C21orf91: variants seen among roughly 807,000 people sequenced by gnomAD.
C21orf91 encodes the protein protein EURL homolog.
A neutral mutation model predicts 32.9 loss-of-function variants in C21orf91; 26 were observed. That is an observed-to-expected ratio of 0.79 (90% CI 0.58 to 1.10). C21orf91 has a LOEUF of 1.10. Among genes scored for constraint, C21orf91 ranks in the 50% least tolerant of loss-of-function variants. The probability of loss-of-function intolerance (pLI) is 0.00; values close to 1 mark genes in which losing one functional copy is unlikely to be tolerated. For missense variants in C21orf91, 310 were observed against 341.3 expected, an observed-to-expected ratio of 0.91 and a Z score of 0.72; for synonymous variants, 126 against 120.4, an observed-to-expected ratio of 1.05 and a Z score of -0.31.
intron 1 of C21orf91, among the ~76,000 whole-genome samples, chr21:17,818,542 A>C (rs1375509848): frequency 6.6e-6 from 1 of 152,218 alleles, no homozygotes; most frequent in Non-Finnish European, 1.5e-5. Context: ...CATAGGTGAC[A>C]CTATGTCCGT....
chr21:17,817,339 G>C (rs1392051470), intron 2 of C21orf91, among the ~76,000 whole-genome samples: 2 of 151,600 alleles, frequency 1.3e-5, no homozygotes, highest in African/African-American at 2.4e-5. Context: ...TTAGTAAACA[G>C]AAAATAAAGA....
intron 3 of C21orf91, among the ~76,000 whole-genome samples, chr21:17,795,993 TTAAA>T (rs772049844): frequency 5.3e-5 from 8 of 152,236 alleles, no homozygotes; most frequent in Non-Finnish European, 1.0e-4. Flanking sequence ...ATGTAGAATC[TTAAA>T]TAATTCACAT....
At position 17,789,249 on chromosome 21, in the gene C21orf91, AGGTT is replaced by A. The variant is rs1254680485; in HGVS notation, c.*4162_*4165del. ...TAGTATACGCTACTGTTTTAAAGCA[AGGTT>A]CACACACACACACACACACACACAC... On this transcript the variant is annotated 3_prime_UTR_variant, in exon 5 of 5. Coordinates refer to ENST00000284881, the MANE Select transcript of C21orf91 (RefSeq NM_001100420.2). 1.0e-5 allele frequency: 1 copy of A among 97,852 alleles called. No individual in the cohort carries two copies. The highest frequency in any genetic ancestry group is 2.0e-5 in the Non-Finnish European group (1 of 49,556). 6.1% of individuals were successfully genotyped at this position (97,852 alleles called of 1,614,324 possible).
intron 2 of C21orf91, among the ~76,000 whole-genome samples, chr21:17,812,816 A>G (rs1176114195): frequency 1.5e-5 from 2 of 136,648 alleles, no homozygotes; most frequent in African/African-American, 4.9e-5. Flanking sequence ...CTTGGAAAAA[A>G]ACAAAAAAAA....
rs2070831592 is a variant in C21orf91, at chr21:17,797,064, C to G, written c.182G>C (p.Cys61Ser). ...HTKSLRGHKD[C>S]FEKYHLIANQ... ...TGCAATTAAATGGTATTTTTCAAAG[C>G]AGTCTTTATGGCCCCTTAATGATTT... Residue 61 changes from cysteine to serine, a missense_variant, in exon 3 of 5, where the codon TGC becomes TCC. Physicochemically the swap from Cys to Ser is moderately radical, Grantham distance 112. Transcript: ENST00000284881. 2 of 1,610,814 alleles carry G rather than the reference C, an allele frequency of 1.2e-6. No individual in the cohort carries two copies. Among genetic ancestry groups the G allele is most frequent in the African/African-American group, 1.3e-5 (1 of 74,812 alleles).
chr21:17,801,740 T>C (rs1053900643), intron 2 of C21orf91, among the ~76,000 whole-genome samples: 5 of 151,836 alleles, frequency 3.3e-5, no homozygotes, highest in Admixed American at 6.6e-5. Context: ...AAATACCTAA[T>C]GTAGGTGACG....
intron 2 of C21orf91, among the ~76,000 whole-genome samples, chr21:17,802,876 T>C (rs1302378173): frequency 6.6e-6 from 1 of 152,240 alleles, no homozygotes; most frequent in South Asian, 2.1e-4. Context: ...GGATTACATA[T>C]TCCATTTCCC....
rs1421638986 is a variant in C21orf91 at position 17,791,523 on chromosome 21, A to C, written c.*1892T>G. On this transcript the variant is annotated 3_prime_UTR_variant, in exon 5 of 5. Transcript: ENST00000284881. ...ATGCAACATATCCCCAACTTTTATGACTGTCCCTAACTCATCTAAACACAA... is the reference window on the plus strand; with the variant it reads ...ATGCAACATATCCCCAACTTTTATGCCTGTCCCTAACTCATCTAAACACAA... 2 of 151,908 alleles carry C rather than the reference A, an allele frequency of 1.3e-5. No homozygotes were observed. The highest frequency in any genetic ancestry group is 2.9e-5 in the Non-Finnish European group (2 of 67,994). 9.4% of individuals were successfully genotyped at this position (151,908 alleles called of 1,614,324 possible).
At chr21:17,810,125 A>G (rs1013954839) in intron 2 of C21orf91, among the ~76,000 whole-genome samples, 1 of 152,178 alleles carries the variant, frequency 6.6e-6, no homozygotes, top group South Asian at 2.1e-4. Context: ...TAACATTTTG[A>G]TAACTCTGCA....
intron 1 of C21orf91, chr21:17,818,761 T>C (rs1195321641): frequency 6.5e-6 from 1 of 153,620 alleles, no homozygotes; most frequent in Admixed American, 6.5e-5. Context: ...GCTAACTTCA[T>C]TGGGGGAACC....
chr21:17,796,167 A>C (rs1028202809), intron 3 of C21orf91, among the ~76,000 whole-genome samples: 2 of 152,196 alleles, frequency 1.3e-5, no homozygotes, highest in African/African-American at 4.8e-5. Context: ...AAGTGCACAC[A>C]TTACCTTTGG....
intron 2 of C21orf91, among the ~76,000 whole-genome samples, chr21:17,802,750 C>G (rs2062570514): frequency 6.6e-6 from 1 of 152,240 alleles, no homozygotes; most frequent in South Asian, 2.1e-4. Context: ...TGTCAAATAG[C>G]ACTGTCTCTC....
intron 2 of C21orf91, among the ~76,000 whole-genome samples, chr21:17,813,208 T>C (rs1409592353): frequency 1.3e-5 from 2 of 152,212 alleles, no homozygotes; most frequent in Non-Finnish European, 2.9e-5. Flanking sequence ...TGGGGCCCCT[T>C]ACTTAAGTGG....
intron 2 of C21orf91, among the ~76,000 whole-genome samples, chr21:17,804,053 G>A (rs997659666): frequency 2.0e-5 from 3 of 152,116 alleles, no homozygotes; most frequent in Non-Finnish European, 2.9e-5. Flanking sequence ...ATCCATGTCC[G>A]GTCACCTGTA....
At chr21:17,794,137 TCTA>T (rs1478304960) in intron 4 of C21orf91, among the ~76,000 whole-genome samples, 1 of 152,230 alleles carries the variant, frequency 6.6e-6, no homozygotes, top group Non-Finnish European at 1.5e-5. Flanking sequence ...CTCATAAATT[TCTA>T]CTACAACTAT....
chr21:17,814,981 A>C (rs918374938), intron 2 of C21orf91, among the ~76,000 whole-genome samples: 1 of 152,228 alleles, frequency 6.6e-6, no homozygotes, highest in Non-Finnish European at 1.5e-5. Flanking sequence ...AAGTACATAA[A>C]ATGTAGGCTC....
At chr21:17,799,485 C>T (rs565990108) in intron 2 of C21orf91, among the ~76,000 whole-genome samples, 2 of 152,226 alleles carry the variant, frequency 1.3e-5, no homozygotes, top group African/African-American at 2.4e-5. Flanking sequence ...AAGCTCTTCA[C>T]TCCCCGCAAT....
rs192648111 is a variant in C21orf91, at chr21:17,795,329, C to T, written c.665-59G>A. The T allele has an allele frequency of 3.9e-4, 412 of 1,069,062 alleles. 3 individuals are homozygous for T. The East Asian group carries it at 8.7e-3, about 23-fold the overall frequency. 66.2% of individuals were successfully genotyped at this position (1,069,062 alleles called of 1,614,324 possible). A position where few individuals can be genotyped will look rare whatever the true frequency, so the allele number is the denominator to read the frequency against. ...ACAACCTAGGAAAACATGCTGCTTA[C>T]ATCACCAACACAATATCCTATTTTT... On this transcript the variant is annotated intron_variant, in intron 3 of 4. Coordinates refer to ENST00000284881, the MANE Select transcript of C21orf91 (RefSeq NM_001100420.2).
rs559821204 is a variant in C21orf91, at chr21:17,790,923, T to C, written c.*2492A>G. 13 of 152,078 alleles carry C rather than the reference T, an allele frequency of 8.5e-5. No homozygotes were observed. Among genetic ancestry groups the C allele is most frequent in the Non-Finnish European group, 1.9e-4 (13 of 67,950 alleles). The allele number at this position is 152,078 out of a possible 1,614,324, so 9.4% of individuals were successfully genotyped here. ...CCCTTAATCATATAAGCTCTGAAAA[T>C]TTAGTAATGGATGACTGGCAGTCTG... is the stretch of plus-strand genomic sequence containing the variant. On this transcript the variant is annotated 3_prime_UTR_variant, in exon 5 of 5. Transcript: ENST00000284881.
Sources: gnomAD v4.1 joint callset for allele counts (sites outside exome capture counted in the v4.1 genomes callset) on GRCh38, gnomAD v4.1.1 for gene constraint, MANE v1.5 for transcripts, NCBI Gene and HGNC (gene_info 2026-07-23, HGNC 2026-07-21) for gene names.